Variants in WDR72 observed in about 807,000 individuals in gnomAD.
WDR72 encodes the protein WD repeat-containing protein 72.
A neutral mutation model predicts 124.2 loss-of-function variants in WDR72; 120 were observed. The ratio of observed to expected loss-of-function variants is 0.97; its 90% CI spans 0.83 to 1.12. The LOEUF (loss-of-function observed/expected upper bound fraction) is 1.12, where lower values mean the gene tolerates loss of function less well. Ranked by LOEUF, WDR72 falls within the 50% of genes most tolerant of loss-of-function variation. The pLI is 0.00. For missense variants in WDR72, 1,387 were observed against 1,278.8 expected (o/e 1.08, Z -1.29); for synonymous variants, 452 against 441.7 (o/e 1.02, Z -0.29).
At chr15:53,637,975 T>C (rs930846603) in intron 14 of WDR72, among the ~76,000 whole-genome samples, 1 of 152,220 alleles carries the variant, frequency 6.6e-6, no homozygotes. Context: ...CCCATATCAA[T>C]ATTTTGCAAT....
chr15:53,641,700 T>C (rs891171155), intron 14 of WDR72, among the ~76,000 whole-genome samples: 1 of 152,018 alleles, frequency 6.6e-6, no homozygotes, highest in Non-Finnish European at 1.5e-5. Flanking sequence ...ATATTTCTTA[T>C]GAAATCTATT....
intron 19 of WDR72, 96 bp from the exon 20 acceptor site, chr15:53,517,850 A>AATAG (rs1350421533): frequency 8.7e-7 from 1 of 1,151,672 alleles, no homozygotes; most frequent in Admixed American, 1.7e-5. Flanking sequence ...GGAAATGAAG[A>AATAG]ATAGATACAG....
intron 2 of WDR72, among the ~76,000 whole-genome samples, chr15:53,729,133 C>T (rs2018126949): frequency 6.6e-6 from 1 of 152,124 alleles, no homozygotes; most frequent in South Asian, 2.1e-4. Flanking sequence ...GGGAAAGATC[C>T]TTGGCTGTTC....
chr15:53,597,502 T>G (rs1446969663), intron 17 of WDR72, among the ~76,000 whole-genome samples: 1 of 152,134 alleles, frequency 6.6e-6, no homozygotes. Flanking sequence ...AAAGGATACT[T>G]GAGGGGCATT....
At position 53,516,204 on chromosome 15, in the gene WDR72, C is replaced by G. The variant is rs1891452376; in HGVS notation, c.*1495G>C. 6.6e-6 allele frequency: 1 copy of G among 152,098 alleles called. No individual in the cohort carries two copies. The highest frequency in any genetic ancestry group is 1.5e-5 in the Non-Finnish European group (1 of 67,976). The allele number at this position is 152,098 out of a possible 1,614,324, so 9.4% of individuals were successfully genotyped here. On this transcript the variant is annotated 3_prime_UTR_variant, in exon 20 of 20. Coordinates refer to ENST00000360509, the MANE Select transcript of WDR72 (RefSeq NM_182758.4). ...CTAAACTTCAACTCAAATGTAATTT[C>G]AAGCAGTAAAATCATATTTTAGGAA...
intron 18 of WDR72, among the ~76,000 whole-genome samples, chr15:53,560,367 A>G (rs1451494955): frequency 6.6e-6 from 1 of 151,902 alleles, no homozygotes; most frequent in Non-Finnish European, 1.5e-5. Context: ...TTCACTATAA[A>G]GGACAGAATA....
chr15:53,628,054 G>A (rs2014280356), intron 14 of WDR72, among the ~76,000 whole-genome samples: 1 of 151,900 alleles, frequency 6.6e-6, no homozygotes, highest in Admixed American at 6.6e-5. Flanking sequence ...AATTCTCTTT[G>A]TTCTCAACCT....
intron 3 of WDR72, among the ~76,000 whole-genome samples, chr15:53,720,145 T>C (rs1293587774): frequency 6.6e-6 from 1 of 152,194 alleles, no homozygotes; most frequent in Non-Finnish European, 1.5e-5. Flanking sequence ...ATTTTTTTAA[T>C]TAAAAGTTAC....
At chr15:53,679,284 T>C (rs1382682697) in intron 13 of WDR72, among the ~76,000 whole-genome samples, 1 of 152,220 alleles carries the variant, frequency 6.6e-6, no homozygotes, top group African/African-American at 2.4e-5. Context: ...CACTGAACTG[T>C]ACCCTTCAAA....
chr15:53,601,884 C>A (rs768769621), intron 17 of WDR72, among the ~76,000 whole-genome samples: 1 of 152,138 alleles, frequency 6.6e-6, no homozygotes, highest in Non-Finnish European at 1.5e-5. Flanking sequence ...GATCCCCACA[C>A]AACAATCATG....
At chr15:53,539,203 A>C (rs564837304) in intron 18 of WDR72, among the ~76,000 whole-genome samples, 1 of 152,264 alleles carries the variant, frequency 6.6e-6, no homozygotes, top group African/African-American at 2.4e-5. Flanking sequence ...AACTTAAGAA[A>C]TATTGTTTAA....
intron 18 of WDR72, among the ~76,000 whole-genome samples, chr15:53,528,567 A>AT (rs1566943488): frequency 1.3e-5 from 2 of 152,158 alleles, no homozygotes; most frequent in African/African-American, 4.8e-5. Context: ...AAGAGGATCT[A>AT]TTTTTCAACT....
chr15:53,685,016 A>G (rs2016564173), intron 13 of WDR72, among the ~76,000 whole-genome samples: 1 of 152,214 alleles, frequency 6.6e-6, no homozygotes, highest in Admixed American at 6.5e-5. Context: ...TGTTAGAAGG[A>G]AAACTAATAA....
chr15:53,609,441 G>A, intron 17 of WDR72, 72 bp downstream of exon 17: 1 of 1,304,244 alleles, frequency 7.7e-7, no homozygotes, highest in Middle Eastern at 1.8e-4. Context: ...TTTTCAGATA[G>A]AGGGGGGTAT....
chr15:53,662,123 A>T (rs1288544621), intron 14 of WDR72, among the ~76,000 whole-genome samples: 1 of 152,112 alleles, frequency 6.6e-6, no homozygotes, highest in Admixed American at 6.6e-5. Context: ...TTGATGCTAA[A>T]TTCCTTCCAT....
chr15:53,621,503 G>C (rs2013993225), intron 14 of WDR72, among the ~76,000 whole-genome samples: 1 of 149,282 alleles, frequency 6.7e-6, no homozygotes, highest in Non-Finnish European at 1.5e-5. Context: ...ACCTGGATGA[G>C]ATTGGAGACT....
At chr15:53,521,266 C>A (rs1192613429) in intron 19 of WDR72, among the ~76,000 whole-genome samples, 5 of 152,092 alleles carry the variant, frequency 3.3e-5, no homozygotes, top group Non-Finnish European at 5.9e-5. Context: ...GACTGCCCAG[C>A]CCCCTTTATT....
intron 2 of WDR72, among the ~76,000 whole-genome samples, chr15:53,729,692 C>T (rs1728434994): frequency 6.6e-6 from 1 of 152,082 alleles, no homozygotes; most frequent in Admixed American, 6.6e-5. Context: ...AACTCACCTT[C>T]AACTCCTGTG....
intron 1 of WDR72, among the ~76,000 whole-genome samples, chr15:53,745,592 T>A (rs545748878): frequency 1.3e-5 from 2 of 152,210 alleles, no homozygotes; most frequent in African/African-American, 4.8e-5. Context: ...ATAAGTTTTG[T>A]ATAGTATACA....
Sources: allele counts gnomAD v4.1 joint callset (sites outside exome capture counted in the v4.1 genomes callset), GRCh38; gene constraint gnomAD v4.1.1; transcripts MANE v1.5; gene names NCBI Gene and HGNC (gene_info 2026-07-23, HGNC 2026-07-21).